DCBLD1: variants seen among roughly 807,000 people sequenced by gnomAD.
The protein encoded by DCBLD1 is discoidin, CUB and LCCL domain-containing protein 1.
In DCBLD1, 57 loss-of-function variants were observed where a neutral mutation model predicts 71.5. The ratio of observed to expected loss-of-function variants is 0.80; its 90% CI spans 0.64 to 0.99. DCBLD1 has a LOEUF of 0.99. DCBLD1 is among the 50% of genes least tolerant of loss of function. The pLI is 0.00. For synonymous variants in DCBLD1, 380 were observed against 363.8 expected, an observed-to-expected ratio of 1.04 and a Z score of -0.51; for missense variants, 891 against 923.5, an observed-to-expected ratio of 0.96 and a Z score of 0.46.
At chr6:117,566,260 T>C (rs974433849) in intron 14 of DCBLD1, among the ~76,000 whole-genome samples, 1 of 152,172 alleles carries the variant, frequency 6.6e-6, no homozygotes. Flanking sequence ...ATGAAAAGCT[T>C]TGACCTCATG....
intron 14 of DCBLD1, among the ~76,000 whole-genome samples, chr6:117,568,158 C>A (rs1779737093): frequency 6.6e-6 from 1 of 151,964 alleles, no homozygotes; most frequent in Non-Finnish European, 1.5e-5. Context: ...CGTAATTGTG[C>A]CACTGCACTC....
chr6:117,508,190 C>G (rs916510681), intron 2 of DCBLD1: 1 of 152,164 alleles, frequency 6.6e-6, no homozygotes, highest in Admixed American at 6.5e-5. Flanking sequence ...CCTACCCAGG[C>G]TGTTCTAGGA....
chr6:117,544,335 T>A, intron 12 of DCBLD1, 193 bp from the exon 13 acceptor site: 1 of 491,720 alleles, frequency 2.0e-6, no homozygotes, highest in Non-Finnish European at 3.5e-6. Context: ...GTGACCTTTC[T>A]TATAAATGAG....
At position 117,516,606 on chromosome 6, in the gene DCBLD1, AC is replaced by A. The variant is rs1778208861; in HGVS notation, c.326-3209del. The stretch of plus-strand genomic sequence containing the variant: ...CAGAAGGGCAATGCTTAGTTGGGTC[AC>A]GATCTTCTGACTCTTTAGCATGTGT... On this transcript the variant is annotated intron_variant, in intron 2 of 14. Transcript: ENST00000338728. 2.0e-5 allele frequency among the ~76,000 whole-genome samples: 3 copies of A among 152,192 alleles called. No homozygotes were observed. In the South Asian group the frequency reaches 6.2e-4, roughly 32 times the overall value.
In DCBLD1 at chr6:117,549,718, G is replaced by A. The variant is rs1237683831; in HGVS notation, c.*1279G>A. 2.0e-6 allele frequency: 2 copies of A among 985,346 alleles called. No homozygotes were observed. Among genetic ancestry groups the A allele is most frequent in the Non-Finnish European group, 2.4e-6 (2 of 829,974 alleles). The allele number at this position is 985,346 out of a possible 1,614,324, so 61.0% of individuals were successfully genotyped here. On this transcript the variant is annotated 3_prime_UTR_variant, in exon 15 of 15. Coordinates refer to ENST00000338728, the MANE Select transcript of DCBLD1 (RefSeq NM_001366458.2). ...CATGGCAGACTAGCTGCTGGTTAGTGTGGAGGGGAAATGGTTTACTTTGTA... is the reference window on the plus strand; with the variant it reads ...CATGGCAGACTAGCTGCTGGTTAGTATGGAGGGGAAATGGTTTACTTTGTA...
In DCBLD1 at chr6:117,482,693, C is replaced by T. The variant is rs1202162019; in HGVS notation, c.-89C>T. ...CGCCCCGTCCCGGCGCCGCGCTCGTCCGCAGAGGAGGCGGCCCGGCCCGGG... is the reference window on the plus strand; with the variant it reads ...CGCCCCGTCCCGGCGCCGCGCTCGTTCGCAGAGGAGGCGGCCCGGCCCGGG... On this transcript the variant is annotated 5_prime_UTR_variant, in exon 1 of 15. Transcript: ENST00000338728. 18 of 1,089,854 alleles carry T rather than the reference C, an allele frequency of 1.7e-5. No homozygotes were observed. Among genetic ancestry groups the T allele is most frequent in the Non-Finnish European group, 2.0e-5 (18 of 898,142 alleles). 67.5% of individuals were successfully genotyped at this position (1,089,854 alleles called of 1,614,324 possible).
chr6:117,559,154 A>G (rs1216102884), intron 14 of DCBLD1, among the ~76,000 whole-genome samples: 1 of 152,196 alleles, frequency 6.6e-6, no homozygotes. Context: ...GTTTCCTCAA[A>G]TCTCACTCAT....
rs746296584 is a variant in DCBLD1, at chr6:117,499,094, T to C, written c.113-4673T>C. On this transcript the variant is annotated intron_variant, in intron 1 of 14. Coordinates refer to ENST00000338728, the MANE Select transcript of DCBLD1 (RefSeq NM_001366458.2). ...TAGAGAGCTTTTTTTTGCAGATCTG[T>C]TTAATGCTTTAATTAAAAGAATTTT... Among the ~76,000 whole-genome samples the C allele has an allele frequency of 1.6e-4, 24 of 151,920 alleles. 1 individual carries two copies. The highest frequency in any genetic ancestry group is 6.8e-3 in the Middle Eastern group (2 of 294).
At chr6:117,564,729 A>G (rs1031496268) in intron 14 of DCBLD1, among the ~76,000 whole-genome samples, 3 of 152,202 alleles carry the variant, frequency 2.0e-5, no homozygotes, top group Admixed American at 2.0e-4. Flanking sequence ...AAAGGAAGAG[A>G]CAGGCTTTCT....
intron 2 of DCBLD1, among the ~76,000 whole-genome samples, chr6:117,516,519 C>T (rs967027074): frequency 6.6e-6 from 1 of 152,060 alleles, no homozygotes; most frequent in Admixed American, 6.6e-5. Context: ...GCATTTCTTT[C>T]TTATTCTATC....
Position 117,482,764 on chromosome 6 carries a change from C to G in DCBLD1, c.-18C>G, listed in dbSNP as rs1776932810. The stretch of plus-strand genomic sequence containing the variant: ...TCGAGGGGAGGCCGAGCTTGCCAAG[C>G]TGGCGCCCAGCGGGGTCATGGTGCC... On this transcript the variant is annotated 5_prime_UTR_variant, in exon 1 of 15. Transcript: ENST00000338728. The G allele has an allele frequency of 2.6e-6, 3 of 1,132,450 alleles. No homozygotes were observed. Among genetic ancestry groups the G allele is most frequent in the South Asian group, 8.6e-5 (2 of 23,254 alleles). 70.2% of individuals were successfully genotyped at this position (1,132,450 alleles called of 1,614,324 possible).
chr6:117,524,988 G>A (rs962700204), intron 4 of DCBLD1, among the ~76,000 whole-genome samples: 1 of 151,918 alleles, frequency 6.6e-6, no homozygotes, highest in African/African-American at 2.4e-5. Flanking sequence ...TTTATCCATA[G>A]AAAACAAAAT....
At chr6:117,507,837 A>G (rs147509146) in intron 2 of DCBLD1, among the ~76,000 whole-genome samples, 46 of 152,336 alleles carry the variant, frequency 3.0e-4, no homozygotes, top group African/African-American at 1.1e-3. Flanking sequence ...TAATACTACT[A>G]CTTTTTAAAG....
intron 2 of DCBLD1, among the ~76,000 whole-genome samples, chr6:117,517,820 C>CA (rs1330452892): frequency 1.3e-5 from 2 of 152,162 alleles, no homozygotes; most frequent in Admixed American, 1.3e-4. Flanking sequence ...TCCTAGGCTG[C>CA]ACACAGCACA....
At chr6:117,540,386 G>T (rs1376078035) in intron 9 of DCBLD1, 3 of 341,644 alleles carry the variant, frequency 8.8e-6, no homozygotes, top group Non-Finnish European at 1.7e-5. Flanking sequence ...TATAGCACCA[G>T]TTGAATGTAG....
intron 2 of DCBLD1, among the ~76,000 whole-genome samples, chr6:117,519,347 T>C (rs1301604804): frequency 6.6e-6 from 1 of 152,152 alleles, no homozygotes; most frequent in Non-Finnish European, 1.5e-5. Flanking sequence ...TAAAGGAAAA[T>C]CAGTGTGTAT....
intron 2 of DCBLD1, 148 bp from the exon 3 acceptor site, chr6:117,519,668 C>A: frequency 9.4e-7 from 1 of 1,064,648 alleles, no homozygotes; most frequent in Admixed American, 2.7e-5. Flanking sequence ...TCAGTCTGAG[C>A]GTCAAGCTAA....
intron 1 of DCBLD1, among the ~76,000 whole-genome samples, chr6:117,491,690 C>T (rs1486042846): frequency 6.6e-6 from 1 of 152,118 alleles, no homozygotes; most frequent in East Asian, 1.9e-4. Context: ...TACAAAGATC[C>T]AAACAAGGTC....
At chr6:117,517,050 C>G (rs531554248) in intron 2 of DCBLD1, among the ~76,000 whole-genome samples, 23 of 152,338 alleles carry the variant, frequency 1.5e-4, no homozygotes, top group Admixed American at 3.3e-4. Flanking sequence ...AAAGTCTTAA[C>G]TCATTTCAGC....
Sources: gnomAD v4.1 joint callset for allele counts (sites outside exome capture counted in the v4.1 genomes callset) on GRCh38, gnomAD v4.1.1 for gene constraint, MANE v1.5 for transcripts, NCBI Gene and HGNC (gene_info 2026-07-23, HGNC 2026-07-21) for gene names.